Variants in PAK5 observed in about 807,000 individuals in gnomAD.
PAK5 encodes p21 (RAC1) activated kinase 5.
Under a neutral mutation model 65.9 loss-of-function variants are expected in PAK5, and 16 were observed. The ratio of observed to expected loss-of-function variants is 0.24; its 90% CI spans 0.16 to 0.37. The LOEUF (loss-of-function observed/expected upper bound fraction) is 0.37, where lower values mean the gene tolerates loss of function less well. PAK5 is among the 10% of genes least tolerant of loss of function. The pLI is 1.00. For synonymous variants in PAK5, 371 were observed against 354.9 expected (o/e 1.05, Z -0.51); for missense variants, 785 against 903.9 (o/e 0.87, Z 1.69).
At chr20:9,729,189 T>C (rs6056832) in intron 1 of PAK5, among the ~76,000 whole-genome samples, 9,969 of 151,746 alleles carry the variant, frequency 0.066, 759 homozygotes, top group African/African-American at 0.19. Context: ...GAGCCAAAAT[T>C]GTGCCACTGC....
At chr20:9,755,810 C>A (rs1322242778) in intron 1 of PAK5, among the ~76,000 whole-genome samples, 6 of 152,182 alleles carry the variant, frequency 3.9e-5, no homozygotes, top group Non-Finnish European at 8.8e-5. Flanking sequence ...AAACCAATAA[C>A]CACTATCCAT....
intron 2 of PAK5, among the ~76,000 whole-genome samples, chr20:9,649,127 C>T (rs912819508): frequency 6.6e-6 from 1 of 152,176 alleles, no homozygotes; most frequent in Non-Finnish European, 1.5e-5. Flanking sequence ...AATATTTCTT[C>T]ATTTCTTTGT....
At chr20:9,581,633 C>T (rs191393894) in intron 3 of PAK5, among the ~76,000 whole-genome samples, 4 of 152,222 alleles carry the variant, frequency 2.6e-5, no homozygotes, top group East Asian at 1.9e-4. Flanking sequence ...GTAACATCAC[C>T]GCTGAATTTT....
Position 9,683,169 on chromosome 20 carries a change from A to G in PAK5, c.-12+28117T>C, listed in dbSNP as rs2047673029. On this transcript the variant is annotated intron_variant, in intron 2 of 9. Transcript: ENST00000353224. ...TTCACACACACTCCCTCACATTTCT[A>G]TTTACCCAAAAATATCTCATGCTGC... Among the ~76,000 whole-genome samples, 2 of 152,126 alleles carry G rather than the reference A, an allele frequency of 1.3e-5. 1 individual carries two copies. Among genetic ancestry groups the G allele is most frequent in the South Asian group, 4.1e-4 (2 of 4,820 alleles).
chr20:9,578,175 T>A (rs954777304), intron 4 of PAK5, among the ~76,000 whole-genome samples: 3 of 152,132 alleles, frequency 2.0e-5, no homozygotes, highest in South Asian at 2.1e-4. Context: ...TGCAACCAAC[T>A]AATTATGAAA....
rs146393101 is a variant in PAK5, at chr20:9,682,218, G to A, written c.-12+29068C>T. 2.6e-5 allele frequency among the ~76,000 whole-genome samples: 4 copies of A among 152,186 alleles called. 1 individual carries two copies. Among genetic ancestry groups the A allele is most frequent in the Admixed American group, 1.3e-4 (2 of 15,292 alleles). On this transcript the variant is annotated intron_variant, in intron 2 of 9. Transcript: ENST00000353224. ...TAAAAATACAAAAAATTAGCCAGGC[G>A]TGGTGGCGGGCGCCTGTAGTCCTAG...
chr20:9,679,368 C>T (rs1404557806), intron 2 of PAK5, among the ~76,000 whole-genome samples: 1 of 152,084 alleles, frequency 6.6e-6, no homozygotes, highest in African/African-American at 2.4e-5. Context: ...AGGTCAGTAC[C>T]CCTAAGCCTC....
At chr20:9,569,440 G>A (rs529703704) in intron 4 of PAK5, among the ~76,000 whole-genome samples, 15 of 152,310 alleles carry the variant, frequency 9.8e-5, no homozygotes, top group Admixed American at 2.6e-4. Flanking sequence ...GGACCCCAAC[G>A]TCTAGATACC....
chr20:9,823,010 AAC>A (rs747242521), intron 1 of PAK5, among the ~76,000 whole-genome samples: 46 of 152,338 alleles, frequency 3.0e-4, no homozygotes, highest in Non-Finnish European at 4.3e-4. Flanking sequence ...CACATGTTGG[AAC>A]TTAAACCTGA....
chr20:9,626,509 T>C (rs952043997), intron 3 of PAK5, among the ~76,000 whole-genome samples: 1 of 152,208 alleles, frequency 6.6e-6, no homozygotes, highest in Non-Finnish European at 1.5e-5. Flanking sequence ...TGTAAAGCAG[T>C]GTATCTGGCA....
At chr20:9,725,112 G>C (rs1463219110) in intron 1 of PAK5, among the ~76,000 whole-genome samples, 5 of 151,972 alleles carry the variant, frequency 3.3e-5, no homozygotes. Context: ...CAGGATGAGA[G>C]GGCATATTGC....
intron 4 of PAK5, among the ~76,000 whole-genome samples, chr20:9,579,413 T>A (rs1285069439): frequency 6.6e-6 from 1 of 152,228 alleles, no homozygotes; most frequent in Non-Finnish European, 1.5e-5. Flanking sequence ...GCTTTTAGTT[T>A]CAGTAACTTC....
intron 1 of PAK5, among the ~76,000 whole-genome samples, chr20:9,828,962 G>A (rs1273280603): frequency 6.6e-6 from 1 of 152,128 alleles, no homozygotes; most frequent in Non-Finnish European, 1.5e-5. Context: ...GGAAAATAGG[G>A]TAATAGAAGA....
intron 3 of PAK5, among the ~76,000 whole-genome samples, chr20:9,622,393 T>A (rs1005843821): frequency 6.6e-6 from 1 of 152,200 alleles, no homozygotes; most frequent in Non-Finnish European, 1.5e-5. Flanking sequence ...TCTCCATGTA[T>A]CTGGTAGGTA....
chr20:9,798,836 G>A (rs538646354), intron 1 of PAK5, among the ~76,000 whole-genome samples: 1 of 152,132 alleles, frequency 6.6e-6, no homozygotes, highest in African/African-American at 2.4e-5. Context: ...AGCCTCAGCT[G>A]GTAACTTACT....
At chr20:9,547,660 G>A (rs1258856258) in intron 7 of PAK5, among the ~76,000 whole-genome samples, 1 of 152,164 alleles carries the variant, frequency 6.6e-6, no homozygotes, top group Non-Finnish European at 1.5e-5. Context: ...AGAAAGAGGA[G>A]AGAGTGAGGA....
intron 1 of PAK5, among the ~76,000 whole-genome samples, chr20:9,815,481 T>C (rs1424377075): frequency 6.6e-6 from 1 of 152,100 alleles, no homozygotes; most frequent in African/African-American, 2.4e-5. Flanking sequence ...ACACTCAGGT[T>C]TGGGCCATCC....
At chr20:9,771,829 G>A (rs569537939) in intron 1 of PAK5, among the ~76,000 whole-genome samples, 2 of 152,154 alleles carry the variant, frequency 1.3e-5, no homozygotes, top group Admixed American at 6.5e-5. Flanking sequence ...CACTTGAGCA[G>A]GAGTTTGAGA....
intron 1 of PAK5, among the ~76,000 whole-genome samples, chr20:9,715,344 A>T (rs1402776275): frequency 6.6e-6 from 1 of 152,138 alleles, no homozygotes; most frequent in Non-Finnish European, 1.5e-5. Context: ...AACCACAATG[A>T]GATACCTTCT....
Sources: gnomAD v4.1 joint callset for allele counts (sites outside exome capture counted in the v4.1 genomes callset) on GRCh38, gnomAD v4.1.1 for gene constraint, MANE v1.5 for transcripts, NCBI Gene and HGNC (gene_info 2026-07-23, HGNC 2026-07-21) for gene names.